CCNL2: variants seen among roughly 807,000 people sequenced by gnomAD.
CCNL2 encodes cyclin L2.
In CCNL2, 28 loss-of-function variants were observed where a neutral mutation model predicts 59.1. The ratio of observed to expected loss-of-function variants is 0.47; its 90% CI spans 0.35 to 0.65. CCNL2 has a LOEUF of 0.65. CCNL2 is among the 30% of genes least tolerant of loss of function. The probability of loss-of-function intolerance (pLI) is 0.00; values close to 1 mark genes in which losing one functional copy is unlikely to be tolerated. For synonymous variants in CCNL2, 342 were observed against 288.6 expected, an observed-to-expected ratio of 1.19 and a Z score of -1.88; for missense variants, 714 against 717.4, an observed-to-expected ratio of 1.00 and a Z score of 0.05.
At position 1,399,234 on chromosome 1, in the gene CCNL2, A is replaced by G; in HGVS notation, c.73T>C (p.Ser25Pro). 1 of 1,592,994 alleles carries G rather than the reference A, an allele frequency of 6.3e-7. No homozygotes were observed. The highest frequency in any genetic ancestry group is 2.4e-5 in the East Asian group (1 of 42,382). The change falls in exon 1 of 11, where the codon TCT (serine) becomes CCT (proline). Residue 25 changes from serine (S) to proline (P), a missense_variant. Coordinates refer to ENST00000400809, the MANE Select transcript of CCNL2 (RefSeq NM_030937.6). ...TGCGACCCTGAGGGTGCGCCCCCAG[A>G]TCCCGGGGCGCCGGCCGCTGCCGCG... ...APAAAAGAPG[S>P]GGAPSGSQGV...
chr1:1,391,511 CCAAGGG>C, intron 5 of CCNL2: 1 of 1,302,248 alleles, frequency 7.7e-7, no homozygotes, highest in Non-Finnish European at 1.0e-6. Context: ...GACTCCGCAC[CCAAGGG>C]CAGGCCTCTT....
intron 4 of CCNL2, among the ~76,000 whole-genome samples, chr1:1,394,694 G>A (rs753006749): frequency 6.9e-6 from 1 of 145,102 alleles, no homozygotes; most frequent in African/African-American, 2.6e-5. Flanking sequence ...AGGTTGCAGT[G>A]AGCCAAGATT....
intron 5 of CCNL2, chr1:1,392,654 G>T: frequency 6.7e-7 from 1 of 1,495,614 alleles, no homozygotes; most frequent in Non-Finnish European, 8.9e-7. Flanking sequence ...AGCAGGAGTC[G>T]GCCATGGCTA....
At chr1:1,390,963 C>T in intron 5 of CCNL2, 98 bp from the exon 6 acceptor site, 1 of 1,063,728 alleles carries the variant, frequency 9.4e-7, no homozygotes, top group South Asian at 1.3e-5. Flanking sequence ...CGTACTACTC[C>T]TCTAAGGAGT....
intron 7 of CCNL2, 36 bp from the exon 8 acceptor site, chr1:1,390,407 T>C: frequency 6.2e-7 from 1 of 1,611,262 alleles, no homozygotes; most frequent in South Asian, 1.1e-5. Context: ...CAGAACCAGG[T>C]GTTTCTGGCC....
chr1:1,387,746 C>T (rs1261147814), intron 10 of CCNL2, 31 bp downstream of exon 10: 15 of 1,550,848 alleles, frequency 9.7e-6, no homozygotes, highest in Middle Eastern at 1.7e-4. Flanking sequence ...ACCCCGGTAT[C>T]GGCCTCCTGG....
chr1:1,398,479 C>G, intron 2 of CCNL2, 118 bp downstream of exon 2: 1 of 1,577,104 alleles, frequency 6.3e-7, no homozygotes. Flanking sequence ...ACAGAACCCT[C>G]CGGCACAGAG....
chr1:1,391,664 C>T, intron 5 of CCNL2: 1 of 710,718 alleles, frequency 1.4e-6, no homozygotes. Context: ...AACATTTCAT[C>T]ACAGTACATT....
At position 1,399,228 on chromosome 1, in the gene CCNL2, C is replaced by T. The variant is rs1557741937; in HGVS notation, c.79G>A (p.Gly27Ser). 3.5e-5 allele frequency: 56 copies of T among 1,596,142 alleles called. No individual in the cohort carries two copies. Among genetic ancestry groups the T allele is most frequent in the Non-Finnish European group, 4.6e-5 (54 of 1,173,068 alleles). ...ACCCCCTGCGACCCTGAGGGTGCGC[C>T]CCCAGATCCCGGGGCGCCGGCCGCT... ...AAAAGAPGSG[G>S]APSGSQGVLI... The change falls in exon 1 of 11, where the codon GGC becomes AGC. Residue 27 changes from glycine (G) to serine (S), a missense_variant. By Grantham distance (56) the Gly-to-Ser change is moderately conservative (BLOSUM62 0). Coordinates refer to ENST00000400809, the MANE Select transcript of CCNL2 (RefSeq NM_030937.6).
chr1:1,390,284 C>T lies in CCNL2; in HGVS notation c.952G>A (p.Gly318Arg), dbSNP rs759253906. 2 of 1,613,902 alleles carry T rather than the reference C, an allele frequency of 1.2e-6. No individual in the cohort carries two copies. The highest frequency in any genetic ancestry group is 1.7e-6 in the Non-Finnish European group (2 of 1,179,828). The change falls in exon 8 of 11, where the codon GGG (glycine) becomes AGG (arginine). Residue 318 changes from glycine (G) to arginine (R), a missense_variant. Physicochemically the swap from Gly to Arg is moderately radical, Grantham distance 125 (BLOSUM62 -2). Coordinates refer to ENST00000400809, the MANE Select transcript of CCNL2 (RefSeq NM_030937.6). ...GTACCATCCAGCACCTGTGTGCCCC[C>T]AGGCAACAGGCCCCGGGCTTGGGCC... is the stretch of plus-strand genomic sequence containing the variant. ...AKAQARGLLP[G>R]GTQVLDGTSG...
At position 1,392,104 on chromosome 1, in the gene CCNL2, C is replaced by T. The variant is rs1046456396; in HGVS notation, c.660-1239G>A. 8.5e-5 allele frequency: 15 copies of T among 176,072 alleles called. No homozygotes were observed. In the East Asian group the frequency reaches 9.3e-4, roughly 11 times the overall value. The allele number at this position is 176,072 out of a possible 1,614,324, so 10.9% of individuals were successfully genotyped here. ...GCTCTGGAAGCAGCTCCAGGCATCACGGGGGAATCTGTGTGGCGGCCGTGT... is the reference window on the plus strand; with the variant it reads ...GCTCTGGAAGCAGCTCCAGGCATCATGGGGGAATCTGTGTGGCGGCCGTGT... On this transcript the variant is annotated intron_variant, in intron 5 of 10. Coordinates refer to ENST00000400809, the MANE Select transcript of CCNL2 (RefSeq NM_030937.6).
At chr1:1,390,173 A>G (rs1397590019) in intron 8 of CCNL2, 57 bp downstream of exon 8, 2 of 1,469,764 alleles carry the variant, frequency 1.4e-6, no homozygotes, top group Non-Finnish European at 9.2e-7. Flanking sequence ...GAGGCGGGGG[A>G]GAGTCACCAG....
chr1:1,395,282 C>T, intron 4 of CCNL2, 112 bp downstream of exon 4: 1 of 1,170,124 alleles, frequency 8.5e-7, no homozygotes. Context: ...AAAGCCAAGT[C>T]AGGGATGCAC....
chr1:1,398,379 C>T, intron 2 of CCNL2, 37 bp from the exon 3 acceptor site: 1 of 1,613,204 alleles, frequency 6.2e-7, no homozygotes, highest in Non-Finnish European at 8.5e-7. Context: ...CATGTTTGTC[C>T]CCAGCCACGG....
chr1:1,391,611 A>AATACTGAGAAGCAACATG (rs776009359), intron 5 of CCNL2: 163 of 1,219,358 alleles, frequency 1.3e-4, no homozygotes, highest in Non-Finnish European at 1.5e-4. Flanking sequence ...GAAGCAACAC[A>AATACTGAGAAGCAACATG]ATACTGAGAA....
chr1:1,387,207 G>A lies in CCNL2; in HGVS notation c.*24C>T. The A allele has an allele frequency of 1.9e-6, 3 of 1,578,722 alleles. No individual in the cohort carries two copies. Among genetic ancestry groups the A allele is most frequent in the Non-Finnish European group, 1.7e-6 (2 of 1,163,076 alleles). ...GGTACTCCCCAGGGAAGGGCTTGCG[G>A]CCACCAGTCACTGCAACCCCGCCTC... On this transcript the variant is annotated 3_prime_UTR_variant, in exon 11 of 11. Transcript: ENST00000400809.
intron 3 of CCNL2, 108 bp downstream of exon 3, chr1:1,398,125 G>T (rs1645147048): frequency 3.8e-6 from 4 of 1,060,598 alleles, no homozygotes; most frequent in Non-Finnish European, 5.6e-6. Context: ...ATATCCCACA[G>T]GTTTAGAGCC....
intron 6 of CCNL2, 81 bp from the exon 7 acceptor site, chr1:1,390,644 G>A: frequency 6.8e-7 from 1 of 1,473,498 alleles, no homozygotes; most frequent in Admixed American, 1.8e-5. Context: ...AAAACAGCCT[G>A]TTGGTCACGA....
chr1:1,398,497 TG>T (rs1557738696), intron 2 of CCNL2, 99 bp downstream of exon 2: 3 of 1,575,350 alleles, frequency 1.9e-6, no homozygotes, highest in Non-Finnish European at 2.6e-6. Context: ...GAGCTCAGAC[TG>T]GGGGGCAAGT....
Sources: allele counts gnomAD v4.1 joint callset (sites outside exome capture counted in the v4.1 genomes callset), GRCh38; gene constraint gnomAD v4.1.1; transcripts MANE v1.5; gene names NCBI Gene and HGNC (gene_info 2026-07-23, HGNC 2026-07-21).